YEATS4: variants seen among roughly 807,000 people sequenced by gnomAD.
The protein encoded by YEATS4 is YEATS domain containing 4, also known as YEATS domain-containing protein 4.
Under a neutral mutation model 30.1 loss-of-function variants are expected in YEATS4, and 17 were observed. That is an observed-to-expected ratio of 0.56 (90% CI 0.39 to 0.85). YEATS4 has a LOEUF of 0.85. YEATS4 is among the 40% of genes least tolerant of loss of function. The probability of loss-of-function intolerance (pLI) is 0.00; values close to 1 mark genes in which losing one functional copy is unlikely to be tolerated. For synonymous variants in YEATS4, 85 were observed against 87.5 expected (o/e 0.97, Z 0.16); for missense variants, 142 against 268.3 (o/e 0.53, Z 3.29).
At chr12:69,406,708 T>A in the YEATS4 span, among the ~76,000 whole-genome samples, 1 of 152,234 alleles carries the variant, frequency 6.6e-6, no homozygotes, top group Non-Finnish European at 1.5e-5. Context: ...TTTTCTAGAA[T>A]AATTAAAAAC....
At chr12:69,387,306 G>A (rs1477480457) in intron 6 of YEATS4, among the ~76,000 whole-genome samples, 3 of 152,202 alleles carry the variant, frequency 2.0e-5, no homozygotes, top group Non-Finnish European at 4.4e-5. Context: ...TTCAGGTTAG[G>A]TAAGACCAAA....
intron 4 of YEATS4, among the ~76,000 whole-genome samples, chr12:69,366,472 G>T (rs1423043416): frequency 1.2e-4 from 19 of 152,118 alleles, no homozygotes; most frequent in Non-Finnish European, 1.5e-5. Context: ...GGATACCAAG[G>T]CTCAGAGGTC....
the YEATS4 span, among the ~76,000 whole-genome samples, chr12:69,407,121 CTCT>C: frequency 0.018 from 2,726 of 151,602 alleles, 81 homozygotes; most frequent in African/African-American, 0.061. Context: ...GGCCCAATTT[CTCT>C]TAACATTTAT....
chr12:69,412,657 C>CAAAT, the YEATS4 span, among the ~76,000 whole-genome samples: 1 of 151,722 alleles, frequency 6.6e-6, no homozygotes, highest in Non-Finnish European at 1.5e-5. Context: ...CGTCTCAAAA[C>CAAAT]AAATAAATAA....
the YEATS4 span, among the ~76,000 whole-genome samples, chr12:69,416,038 C>T: frequency 6.6e-6 from 1 of 152,212 alleles, no homozygotes; most frequent in Non-Finnish European, 1.5e-5. Context: ...TGAGCCATTA[C>T]ACCAGCCTTG....
chr12:69,407,935 C>G, the YEATS4 span, among the ~76,000 whole-genome samples: 9 of 152,116 alleles, frequency 5.9e-5, no homozygotes, highest in East Asian at 1.4e-3. Flanking sequence ...AGGCTGGTCT[C>G]GAACTCCCGA....
chr12:69,362,494 G>A (rs1018731786), intron 1 of YEATS4, among the ~76,000 whole-genome samples: 1 of 152,154 alleles, frequency 6.6e-6, no homozygotes, highest in Non-Finnish European at 1.5e-5. Context: ...TCAATGCCTA[G>A]CTTTCAGGTG....
At chr12:69,398,083 G>A in the YEATS4 span, among the ~76,000 whole-genome samples, 2 of 152,104 alleles carry the variant, frequency 1.3e-5, no homozygotes, top group Middle Eastern at 3.4e-3. Flanking sequence ...TTCCTCAGTG[G>A]GAAGCATCAT....
At chr12:69,425,541 G>A in the YEATS4 span, among the ~76,000 whole-genome samples, 5 of 152,172 alleles carry the variant, frequency 3.3e-5, no homozygotes, top group Admixed American at 1.3e-4. Flanking sequence ...GAGAGCTGTA[G>A]CAGAACTGCT....
chr12:69,423,248 G>A, the YEATS4 span, among the ~76,000 whole-genome samples: 3 of 152,014 alleles, frequency 2.0e-5, no homozygotes, highest in East Asian at 1.9e-4. Context: ...TCACTTAATC[G>A]TCACTTTTTA....
chr12:69,402,360 G>GT, the YEATS4 span, among the ~76,000 whole-genome samples: 1 of 152,142 alleles, frequency 6.6e-6, no homozygotes, highest in Non-Finnish European at 1.5e-5. Flanking sequence ...TTATGCTAGG[G>GT]TTGTTCCTAT....
chr12:69,380,621 G>T (rs962695961), intron 6 of YEATS4, among the ~76,000 whole-genome samples: 5 of 152,126 alleles, frequency 3.3e-5, no homozygotes, highest in African/African-American at 9.7e-5. Context: ...ACCTATGTTT[G>T]TGTGAGGCCC....
At chr12:69,423,188 A>C in the YEATS4 span, among the ~76,000 whole-genome samples, 6 of 152,188 alleles carry the variant, frequency 3.9e-5, no homozygotes, top group African/African-American at 1.4e-4. Flanking sequence ...CAACAAATCA[A>C]ACCAATAAAG....
At chr12:69,419,394 A>G in the YEATS4 span, among the ~76,000 whole-genome samples, 1 of 150,848 alleles carries the variant, frequency 6.6e-6, no homozygotes, top group Non-Finnish European at 1.5e-5. Context: ...CTAATTTTTA[A>G]AATTTTTTGT....
the YEATS4 span, among the ~76,000 whole-genome samples, chr12:69,400,068 C>G: frequency 2.0e-5 from 3 of 151,900 alleles, no homozygotes; most frequent in African/African-American, 7.3e-5. Flanking sequence ...GTTACACAAC[C>G]TTGTGAATAT....
intron 1 of YEATS4, among the ~76,000 whole-genome samples, chr12:69,360,443 C>T (rs956158256): frequency 6.6e-6 from 1 of 152,126 alleles, no homozygotes; most frequent in African/African-American, 2.4e-5. Flanking sequence ...CGCAGTATTT[C>T]CAAGTGCGGT....
the YEATS4 span, among the ~76,000 whole-genome samples, chr12:69,416,697 G>A: frequency 2.0e-5 from 3 of 152,178 alleles, no homozygotes; most frequent in Admixed American, 1.3e-4. Flanking sequence ...AGGCTACTTC[G>A]CTCAGATCAA....
chr12:69,371,616 C>CAAT (rs1227964338), intron 6 of YEATS4, among the ~76,000 whole-genome samples: 1 of 152,198 alleles, frequency 6.6e-6, no homozygotes, highest in Non-Finnish European at 1.5e-5. Context: ...TCATTCATTA[C>CAAT]AATATATAGT....
chr12:69,383,690 C>T (rs1876166612), intron 6 of YEATS4, among the ~76,000 whole-genome samples: 1 of 152,112 alleles, frequency 6.6e-6, no homozygotes, highest in Admixed American at 6.6e-5. Context: ...AGATGGAGCT[C>T]CTTGATGACT....
Sources: gnomAD v4.1 joint callset for allele counts (sites outside exome capture counted in the v4.1 genomes callset) on GRCh38, gnomAD v4.1.1 for gene constraint, MANE v1.5 for transcripts, NCBI Gene and HGNC (gene_info 2026-07-23, HGNC 2026-07-21) for gene names.